Variants in RIMS3 observed in about 807,000 individuals in gnomAD.
The protein encoded by RIMS3 is regulating synaptic membrane exocytosis 3.
In RIMS3, 15 loss-of-function variants were observed where a neutral mutation model predicts 29.2. The ratio of observed to expected loss-of-function variants is 0.51; its 90% confidence interval spans 0.34 to 0.79. RIMS3 has a LOEUF of 0.79. RIMS3 is among the 30% of genes least tolerant of loss of function. The pLI is 0.01. For missense variants in RIMS3, 342 were observed against 421.4 expected, an observed-to-expected ratio of 0.81 and a Z score of 1.65; for synonymous variants, 161 against 170.1, an observed-to-expected ratio of 0.95 and a Z score of 0.41.
At chr1:40,653,999 G>T (rs986758970) in intron 1 of RIMS3, among the ~76,000 whole-genome samples, 2 of 152,124 alleles carry the variant, frequency 1.3e-5, no homozygotes, top group Non-Finnish European at 2.9e-5. Flanking sequence ...CATCCTGAGA[G>T]GCAGGGGCCC....
At chr1:40,672,194 ATTTTTT>A in the RIMS3 span, among the ~76,000 whole-genome samples, 90 of 106,982 alleles carry the variant, frequency 8.4e-4, no homozygotes, top group African/African-American at 2.6e-3. Flanking sequence ...TAGCTAGATG[ATTTTTT>A]TTTTTTTTTT....
intron 1 of RIMS3, among the ~76,000 whole-genome samples, chr1:40,655,638 A>C (rs1642263391): frequency 6.6e-6 from 1 of 152,184 alleles, no homozygotes; most frequent in South Asian, 2.1e-4. Flanking sequence ...CATTTCCGAC[A>C]TCCCCATACC....
In RIMS3 at chr1:40,625,816, T is replaced by G. The variant is rs1646449619; in HGVS notation, c.*701A>C. 1 of 153,488 alleles carries G rather than the reference T, an allele frequency of 6.5e-6. No homozygotes were observed. The highest frequency in any genetic ancestry group is 2.4e-5 in the African/African-American group (1 of 41,536). The allele number at this position is 153,488 out of a possible 1,614,324, so 9.5% of individuals were successfully genotyped here. ...GAAGAAGGAGGAGGTTCCAGCCTCA[T>G]AGAGAAAGTCATTTCTAAGCCCTCA... On this transcript the variant is annotated 3_prime_UTR_variant, in exon 8 of 8. Transcript: ENST00000372684.
chr1:40,633,169 G>A lies in RIMS3; in HGVS notation c.372C>T (p.Pro124=). Residue 124 remains proline (P), a synonymous_variant, in exon 5 of 8, where the codon CCC becomes CCT. Coordinates refer to ENST00000372684, the MANE Select transcript of RIMS3 (RefSeq NM_014747.3). ...GGCTTTCAGCCCCTAGCCGGGTAGT[G>A]GGGAAGATGAACCTGCAGGAGGAGG... ...SNSSDGTFIF[P]TTRLGAESQF... The A allele has an allele frequency of 2.5e-6, 4 of 1,613,974 alleles. No individual in the cohort carries two copies. Among genetic ancestry groups the A allele is most frequent in the Non-Finnish European group, 3.4e-6 (4 of 1,179,820 alleles).
At chr1:40,628,224 C>T (rs1402854398) in intron 7 of RIMS3, among the ~76,000 whole-genome samples, 1 of 152,240 alleles carries the variant, frequency 6.6e-6, no homozygotes, top group Admixed American at 6.5e-5. Context: ...CACCACTGTG[C>T]TTTATCCCCA....
At chr1:40,668,233 G>A (rs1211875919), upstream of RIMS3, among the ~76,000 whole-genome samples, 1 of 130,516 alleles carries the variant, frequency 7.7e-6, no homozygotes, top group Non-Finnish European at 1.6e-5. Flanking sequence ...CCTGGTAACA[G>A]AGCAAGACTC....
chr1:40,656,278 T>C (rs1179677332), intron 1 of RIMS3, among the ~76,000 whole-genome samples: 2 of 152,170 alleles, frequency 1.3e-5, no homozygotes, highest in East Asian at 1.9e-4. Flanking sequence ...CTTTTAACTT[T>C]AATGCAACTA....
In RIMS3 at chr1:40,623,864, C is replaced by T. The variant is rs973362565; in HGVS notation, c.*2653G>A. ...CGTGTCAGCCTCACACAACTTTACC[C>T]TCATGGGGTAAAATCCAGGTGGGGA... On this transcript the variant is annotated 3_prime_UTR_variant, in exon 8 of 8. Transcript: ENST00000372684. The T allele has an allele frequency of 9.3e-5, 24 of 257,378 alleles. No homozygotes were observed. The Admixed American group carries it at 1.2e-3, about 13-fold the overall frequency. 15.9% of individuals were successfully genotyped at this position (257,378 alleles called of 1,614,324 possible).
rs1646429767 is a variant in RIMS3 at position 40,622,632 on chromosome 1, AATG to A, written c.*3882_*3884del. The A allele has an allele frequency of 6.5e-6, 1 of 152,704 alleles. No individual in the cohort carries two copies. Among genetic ancestry groups the A allele is most frequent in the African/African-American group, 2.4e-5 (1 of 41,454 alleles). 9.5% of individuals were successfully genotyped at this position (152,704 alleles called of 1,614,324 possible). ...ACTGCTGGACAACCTTCTGGCCCTGAATGATGTGCCATCTCTCCAGCCAGGTGG... is the reference window on the plus strand; with the variant it reads ...ACTGCTGGACAACCTTCTGGCCCTGAATGTGCCATCTCTCCAGCCAGGTGG... On this transcript the variant is annotated 3_prime_UTR_variant, in exon 8 of 8. Coordinates refer to ENST00000372684, the MANE Select transcript of RIMS3 (RefSeq NM_014747.3).
chr1:40,687,732 A>G, the RIMS3 span: 1 of 151,982 alleles, frequency 6.6e-6, no homozygotes, highest in Non-Finnish European at 1.5e-5. Flanking sequence ...GTATCTTTCC[A>G]TGATTCTTCT....
chr1:40,687,023 A>T, the RIMS3 span, among the ~76,000 whole-genome samples: 1 of 148,464 alleles, frequency 6.7e-6, no homozygotes, highest in African/African-American at 2.5e-5. Context: ...AAAAAAAATT[A>T]AACATAAGAA....
the RIMS3 span, among the ~76,000 whole-genome samples, chr1:40,689,244 T>C: frequency 2.0e-5 from 3 of 152,200 alleles, no homozygotes; most frequent in South Asian, 4.1e-4. Flanking sequence ...AATTGTAAGA[T>C]AGCTCATAAA....
chr1:40,649,081 C>A (rs890800275), intron 1 of RIMS3, among the ~76,000 whole-genome samples: 4 of 152,114 alleles, frequency 2.6e-5, no homozygotes, highest in African/African-American at 9.7e-5. Context: ...GCAGTCTGTG[C>A]CAAGGAAGCA....
At chr1:40,689,350 T>C in the RIMS3 span, among the ~76,000 whole-genome samples, 1 of 152,134 alleles carries the variant, frequency 6.6e-6, no homozygotes, top group African/African-American at 2.4e-5. Context: ...GGCGTGATAT[T>C]TGCTCACTGC....
chr1:40,620,838 A>G lies in RIMS3; in HGVS notation c.*5679T>C, dbSNP rs917359102. ...CACCTGCCACCCGGGAACCACAACAAGTTAGGAAAGATGCTGCACATAGAA... is the reference window on the plus strand; with the variant it reads ...CACCTGCCACCCGGGAACCACAACAGGTTAGGAAAGATGCTGCACATAGAA... On this transcript the variant is annotated 3_prime_UTR_variant, in exon 8 of 8. Transcript: ENST00000372684. The G allele has an allele frequency of 6.5e-6, 1 of 152,690 alleles. No individual in the cohort carries two copies. Among genetic ancestry groups the G allele is most frequent in the African/African-American group, 2.4e-5 (1 of 41,466 alleles). The allele number at this position is 152,690 out of a possible 1,614,324, so 9.5% of individuals were successfully genotyped here.
At chr1:40,653,256 G>A (rs1450243533) in intron 1 of RIMS3, among the ~76,000 whole-genome samples, 1 of 152,152 alleles carries the variant, frequency 6.6e-6, no homozygotes, top group Non-Finnish European at 1.5e-5. Flanking sequence ...CCAGAAGAGA[G>A]CAGAGAGTGA....
intron 1 of RIMS3, among the ~76,000 whole-genome samples, chr1:40,650,018 C>G (rs1208242482): frequency 6.6e-6 from 1 of 152,150 alleles, no homozygotes; most frequent in Non-Finnish European, 1.5e-5. Context: ...GATGTTCCCC[C>G]AGGGCCTCAG....
At chr1:40,650,130 C>T (rs1340415863) in intron 1 of RIMS3, among the ~76,000 whole-genome samples, 1 of 152,182 alleles carries the variant, frequency 6.6e-6, no homozygotes, top group African/African-American at 2.4e-5. Flanking sequence ...ACTCAGAACA[C>T]ACAAGGGTAA....
the RIMS3 span, among the ~76,000 whole-genome samples, chr1:40,681,116 G>A: frequency 3.3e-5 from 5 of 152,094 alleles, no homozygotes; most frequent in South Asian, 1.0e-3. Context: ...TTACTCACTT[G>A]CTCTAGAGTC....
Sources: allele counts gnomAD v4.1 joint callset (sites outside exome capture counted in the v4.1 genomes callset), GRCh38; gene constraint gnomAD v4.1.1; transcripts MANE v1.5; gene names NCBI Gene and HGNC (gene_info 2026-07-23, HGNC 2026-07-21).